Variants in LGR5 observed in about 807,000 individuals in gnomAD.
LGR5 encodes the protein leucine rich repeat containing G protein-coupled receptor 5.
LGR5 carries 54 observed loss-of-function variants against 76.7 expected under a neutral mutation model. That is an observed-to-expected ratio of 0.70 (90% CI 0.57 to 0.88). The LOEUF (loss-of-function observed/expected upper bound fraction) is 0.88. Among genes scored for constraint, LGR5 ranks in the 40% least tolerant of loss-of-function variants. The probability of loss-of-function intolerance (pLI) is 0.00; values close to 1 mark genes in which losing one functional copy is unlikely to be tolerated. For synonymous variants in LGR5, 406 were observed against 421.9 expected, an observed-to-expected ratio of 0.96 and a Z score of 0.46; for missense variants, 1,078 against 1,073.3, an observed-to-expected ratio of 1.00 and a Z score of -0.06.
chr12:71,467,078 T>A (rs1395962134), intron 1 of LGR5, among the ~76,000 whole-genome samples: 1 of 152,030 alleles, frequency 6.6e-6, no homozygotes, highest in Non-Finnish European at 1.5e-5. Context: ...ACTTATTTAA[T>A]CCTGACATCA....
intron 1 of LGR5, among the ~76,000 whole-genome samples, chr12:71,463,765 G>C (rs1872760738): frequency 6.6e-6 from 1 of 151,870 alleles, no homozygotes; most frequent in African/African-American, 2.4e-5. Context: ...CAGCTCTCTT[G>C]CCTTTATTAT....
chr12:71,452,054 C>T (rs1342538617), intron 1 of LGR5, among the ~76,000 whole-genome samples: 1 of 152,172 alleles, frequency 6.6e-6, no homozygotes, highest in Non-Finnish European at 1.5e-5. Flanking sequence ...CTAGCCAATC[C>T]TAAACCTGCT....
chr12:71,569,083 G>T (rs536276062), intron 11 of LGR5, among the ~76,000 whole-genome samples: 4 of 152,124 alleles, frequency 2.6e-5, no homozygotes, highest in Non-Finnish European at 5.9e-5. Flanking sequence ...TTTAATAAAT[G>T]GTGCTGAGAG....
chr12:71,546,771 C>T (rs1422252803), intron 4 of LGR5, among the ~76,000 whole-genome samples: 1 of 152,190 alleles, frequency 6.6e-6, no homozygotes, highest in Non-Finnish European at 1.5e-5. Context: ...ACAACACCCC[C>T]ATTTCAGAGA....
intron 2 of LGR5, among the ~76,000 whole-genome samples, chr12:71,517,337 A>G (rs938374292): frequency 6.6e-6 from 1 of 152,236 alleles, no homozygotes; most frequent in Admixed American, 6.5e-5. Flanking sequence ...GACTGCCCTG[A>G]TAACACAGGT....
At position 71,439,879 on chromosome 12, in the gene LGR5, G is replaced by T; in HGVS notation, c.-202G>T. 1.9e-6 allele frequency: 1 copy of T among 539,794 alleles called. No individual in the cohort carries two copies. The highest frequency in any genetic ancestry group is 3.4e-5 in the East Asian group (1 of 29,206). The allele number at this position is 539,794 out of a possible 1,614,324, so 33.4% of individuals were successfully genotyped here. ...GCAGCCAGGGCTGCTCCGAAGGCCG[G>T]CGTGGCGGCAACCGGCACCTCTGTC... On this transcript the variant is annotated 5_prime_UTR_variant, in exon 1 of 18. Transcript: ENST00000266674.
At position 71,584,296 on chromosome 12, in the gene LGR5, C is replaced by G; in HGVS notation, c.2286C>G (p.Cys762Trp). ...DKGDLENIWD[C>W]SMVKHIALLL... Reference sequence around the variant, plus strand: ...GAGACCTGGAGAATATTTGGGACTGCTCTATGGTAAAACACATTGCCCTGT... The same window carrying G: ...GAGACCTGGAGAATATTTGGGACTGGTCTATGGTAAAACACATTGCCCTGT... Residue 762 changes from cysteine to tryptophan, a missense_variant, in exon 18 of 18, where the codon TGC becomes TGG. By Grantham distance (215) the Cys-to-Trp change is radical. Transcript: ENST00000266674. 1.2e-6 allele frequency: 2 copies of G among 1,614,194 alleles called. No homozygotes were observed. Among genetic ancestry groups the G allele is most frequent in the Non-Finnish European group, 1.7e-6 (2 of 1,180,012 alleles).
intron 1 of LGR5, chr12:71,448,547 T>A (rs1872116335): frequency 6.6e-6 from 1 of 152,228 alleles, no homozygotes; most frequent in Admixed American, 6.5e-5. Context: ...CTTGAAGGTT[T>A]TAGGTTATAA....
chr12:71,523,554 A>T (rs1875828130), intron 2 of LGR5, among the ~76,000 whole-genome samples: 2 of 152,170 alleles, frequency 1.3e-5, no homozygotes, highest in Non-Finnish European at 2.9e-5. Context: ...CTCAGATATG[A>T]TCAGCTCCTC....
intron 1 of LGR5, chr12:71,441,401 G>C (rs1255732895): frequency 1.3e-5 from 2 of 152,222 alleles, no homozygotes; most frequent in Non-Finnish European, 2.9e-5. Flanking sequence ...TTAGGTTTTA[G>C]ATCAAGACAT....
chr12:71,548,549 C>T (rs926290180), intron 4 of LGR5, among the ~76,000 whole-genome samples: 1 of 152,030 alleles, frequency 6.6e-6, no homozygotes, highest in Admixed American at 6.6e-5. Context: ...TGAATGGTTT[C>T]AATGGTCAAA....
intron 1 of LGR5, chr12:71,441,708 A>G (rs1871777025): frequency 6.6e-6 from 1 of 152,218 alleles, no homozygotes; most frequent in Non-Finnish European, 1.5e-5. Flanking sequence ...CTCCTCTACC[A>G]TAAAGCTATT....
At chr12:71,480,005 G>T (rs1156687289) in intron 1 of LGR5, among the ~76,000 whole-genome samples, 1 of 152,134 alleles carries the variant, frequency 6.6e-6, no homozygotes, top group Middle Eastern at 3.2e-3. Context: ...TCTAAGTTTG[G>T]CTGCCATGTA....
chr12:71,493,916 G>A (rs1416684108), intron 1 of LGR5, among the ~76,000 whole-genome samples: 2 of 149,178 alleles, frequency 1.3e-5, no homozygotes, highest in African/African-American at 2.5e-5. Flanking sequence ...CCACAGGCAT[G>A]GGCCACCATG....
At chr12:71,531,692 A>G (rs1279033361) in intron 3 of LGR5, among the ~76,000 whole-genome samples, 1 of 152,012 alleles carries the variant, frequency 6.6e-6, no homozygotes, top group African/African-American at 2.4e-5. Flanking sequence ...ACATGGTGAA[A>G]CCCCGTTGCT....
intron 13 of LGR5, chr12:71,573,149 A>T (rs1053864716): frequency 3.9e-5 from 15 of 383,028 alleles, no homozygotes; most frequent in African/African-American, 3.1e-4. Context: ...AGTTTTAATG[A>T]AGAGGAAGGA....
chr12:71,556,469 T>C (rs1877769673), intron 5 of LGR5, 150 bp from the exon 6 acceptor site: 1 of 600,230 alleles, frequency 1.7e-6, no homozygotes. Context: ...ATCTGTGGTA[T>C]GAGTGAATGC....
intron 2 of LGR5, among the ~76,000 whole-genome samples, chr12:71,519,492 T>C (rs767790826): frequency 2.0e-5 from 3 of 152,090 alleles, no homozygotes; most frequent in Non-Finnish European, 4.4e-5. Flanking sequence ...GCTGTATCAC[T>C]GTCACCTAAA....
chr12:71,565,350 T>G (rs1031222967), intron 8 of LGR5, among the ~76,000 whole-genome samples: 1 of 150,716 alleles, frequency 6.6e-6, no homozygotes, highest in African/African-American at 2.5e-5. Context: ...AGCCTCAATT[T>G]TCTCTTCCAA....
Sources: allele counts gnomAD v4.1 joint callset (sites outside exome capture counted in the v4.1 genomes callset), GRCh38; gene constraint gnomAD v4.1.1; transcripts MANE v1.5; gene names NCBI Gene and HGNC (gene_info 2026-07-23, HGNC 2026-07-21).